Variants in TBC1D4 observed in about 807,000 individuals in gnomAD.
TBC1D4 encodes the protein TBC (Tre-2, BUB2, CDC16) domain-containing protein.
A neutral mutation model predicts 142.5 loss-of-function variants in TBC1D4; 121 were observed. The ratio of observed to expected loss-of-function variants is 0.85; its 90% CI spans 0.73 to 0.99. The LOEUF (loss-of-function observed/expected upper bound fraction) is 0.99. Among genes scored for constraint, TBC1D4 ranks in the 50% least tolerant of loss-of-function variants. The pLI, the probability that TBC1D4 is intolerant of heterozygous loss-of-function variation, is 0.00. For synonymous variants in TBC1D4, 630 were observed against 628.2 expected, an observed-to-expected ratio of 1.00 and a Z score of -0.04; for missense variants, 1,475 against 1,606.6, an observed-to-expected ratio of 0.92 and a Z score of 1.40.
intron 1 of TBC1D4, among the ~76,000 whole-genome samples, chr13:75,396,365 T>G (rs1162835403): frequency 2.6e-5 from 4 of 152,228 alleles, no homozygotes; most frequent in African/African-American, 9.6e-5. Context: ...GCCTAAAATA[T>G]TCCAGATCTT....
chr13:75,481,675 T>C lies in TBC1D4; in HGVS notation c.93A>G (p.Pro31=), dbSNP rs1381927822. ...ACCACAGCCGGAACCGCTTATCGCT[T>C]GGCTTCCCGGGGCCGGGCTGAGCTG... is the stretch of plus-strand genomic sequence containing the variant. ...GVSAQPGPGK[P]SDKRFRLWYV... The change falls in exon 1 of 21, where the codon CCA becomes CCG. Residue 31 remains proline, a synonymous_variant. Coordinates refer to ENST00000377636, the MANE Select transcript of TBC1D4 (RefSeq NM_014832.5). 1.2e-6 allele frequency: 2 copies of C among 1,600,888 alleles called. No individual in the cohort carries two copies. Among genetic ancestry groups the C allele is most frequent in the Non-Finnish European group, 1.7e-6 (2 of 1,174,460 alleles).
At position 75,285,646 on chromosome 13, in the gene TBC1D4, T is replaced by C. The variant is rs773042969; in HGVS notation, c.*1146A>G. ...ACTTTCTTTTTTCCCTTCCAATGGA[T>C]TTCAACAGTTTGTTCCTAAACATTT... On this transcript the variant is annotated 3_prime_UTR_variant, in exon 21 of 21. Coordinates refer to ENST00000377636, the MANE Select transcript of TBC1D4 (RefSeq NM_014832.5). The C allele has an allele frequency of 1.3e-5, 2 of 152,680 alleles. No homozygotes were observed. Among genetic ancestry groups the C allele is most frequent in the Non-Finnish European group, 2.9e-5 (2 of 68,040 alleles). 9.5% of individuals were successfully genotyped at this position (152,680 alleles called of 1,614,324 possible).
chr13:75,460,805 C>T (rs942480009), intron 1 of TBC1D4, among the ~76,000 whole-genome samples: 4 of 152,162 alleles, frequency 2.6e-5, no homozygotes, highest in Non-Finnish European at 1.5e-5. Context: ...TGTCCATAGT[C>T]CCAGCTACTA....
At chr13:75,324,464 A>C in intron 10 of TBC1D4, 63 bp from the exon 11 acceptor site, 1 of 1,573,338 alleles carries the variant, frequency 6.4e-7, no homozygotes, top group African/African-American at 1.4e-5. Context: ...TTCATTCACT[A>C]TGAAAAAGCA....
intron 14 of TBC1D4, 27 bp from the exon 15 acceptor site, chr13:75,306,498 A>C: frequency 6.2e-7 from 1 of 1,611,446 alleles, no homozygotes; most frequent in African/African-American, 1.3e-5. Context: ...TTTACGTAAG[A>C]CCAATGTGTT....
At chr13:75,464,472 T>A (rs2138296489) in intron 1 of TBC1D4, among the ~76,000 whole-genome samples, 1 of 152,326 alleles carries the variant, frequency 6.6e-6, no homozygotes, top group East Asian at 1.9e-4. Context: ...TGTTTCCTGT[T>A]TTAGTTAATC....
chr13:75,324,999 G>C (rs1010063264), intron 10 of TBC1D4, among the ~76,000 whole-genome samples: 1 of 152,154 alleles, frequency 6.6e-6, no homozygotes, highest in African/African-American at 2.4e-5. Flanking sequence ...ATGACACAGA[G>C]AGCATCTTTT....
At chr13:75,463,637 G>A (rs1888058372) in intron 1 of TBC1D4, among the ~76,000 whole-genome samples, 1 of 152,128 alleles carries the variant, frequency 6.6e-6, no homozygotes, top group Non-Finnish European at 1.5e-5. Context: ...CTCAGTATTG[G>A]TGAAAATGAT....
chr13:75,339,587 C>A (rs918881472), intron 7 of TBC1D4, among the ~76,000 whole-genome samples: 8 of 147,910 alleles, frequency 5.4e-5, no homozygotes, highest in African/African-American at 2.0e-4. Context: ...GCTCAATGTT[C>A]TTTTTTTTTT....
chr13:75,413,983 A>G (rs1418369767), intron 1 of TBC1D4, among the ~76,000 whole-genome samples: 1 of 152,198 alleles, frequency 6.6e-6, no homozygotes, highest in African/African-American at 2.4e-5. Flanking sequence ...GTGGAAAAAA[A>G]CAATTGTCTC....
At chr13:75,443,112 G>A (rs1418336117) in intron 1 of TBC1D4, among the ~76,000 whole-genome samples, 3 of 152,198 alleles carry the variant, frequency 2.0e-5, no homozygotes, top group Non-Finnish European at 4.4e-5. Context: ...TCAGTTTAGA[G>A]GCCCCCAGCT....
chr13:75,362,737 G>A lies in TBC1D4; in HGVS notation c.499-130C>T, dbSNP rs557878039. 6 of 915,678 alleles carry A rather than the reference G, an allele frequency of 6.6e-6. No individual in the cohort carries two copies. The highest frequency in any genetic ancestry group is 3.3e-5 in the African/African-American group (2 of 60,032). The allele number at this position is 915,678 out of a possible 1,614,324, so 56.7% of individuals were successfully genotyped here. On this transcript the variant is annotated intron_variant, in intron 1 of 20. Transcript: ENST00000377636. This position sits in a 1 kb window ranked among gnomAD's most constrained non-coding sequence, Gnocchi z 4.2. ...ATATACAAAGTAATAGACACTACACGAGACAGAGCATACACTTACATTATT... is the reference window on the plus strand; with the variant it reads ...ATATACAAAGTAATAGACACTACACAAGACAGAGCATACACTTACATTATT...
chr13:75,361,412 G>A (rs1882491175), intron 2 of TBC1D4, among the ~76,000 whole-genome samples: 2 of 151,968 alleles, frequency 1.3e-5, no homozygotes, highest in African/African-American at 2.4e-5. Flanking sequence ...ATGGAGTCTC[G>A]CTCTGTCGCC....
At chr13:75,335,238 C>T (rs1371452554) in intron 8 of TBC1D4, among the ~76,000 whole-genome samples, 1 of 152,166 alleles carries the variant, frequency 6.6e-6, no homozygotes, top group African/African-American at 2.4e-5. Context: ...CCACACCCTG[C>T]ATCGGGCCAT....
At chr13:75,326,145 A>G (rs1207641967) in intron 10 of TBC1D4, 52 bp downstream of exon 10, 1 of 1,598,754 alleles carries the variant, frequency 6.3e-7, no homozygotes, top group East Asian at 2.2e-5. Flanking sequence ...AGAGTAATCA[A>G]AACTGTGTGC....
At chr13:75,345,862 T>C (rs1881108859) in intron 5 of TBC1D4, among the ~76,000 whole-genome samples, 1 of 152,238 alleles carries the variant, frequency 6.6e-6, no homozygotes, top group African/African-American at 2.4e-5. Flanking sequence ...AGAGCCAGCT[T>C]CTGACAAAGA....
At chr13:75,445,635 C>G (rs1483204627) in intron 1 of TBC1D4, among the ~76,000 whole-genome samples, 3 of 152,088 alleles carry the variant, frequency 2.0e-5, no homozygotes, top group African/African-American at 7.2e-5. Context: ...AATTTGTTAT[C>G]TGTTACTGGT....
intron 1 of TBC1D4, among the ~76,000 whole-genome samples, chr13:75,400,368 C>T (rs1885023239): frequency 6.6e-6 from 1 of 152,158 alleles, no homozygotes; most frequent in Non-Finnish European, 1.5e-5. Context: ...CCCATTCACC[C>T]ATTTACCACC....
chr13:75,298,664 A>C (rs961742033), intron 17 of TBC1D4, among the ~76,000 whole-genome samples: 1 of 152,210 alleles, frequency 6.6e-6, no homozygotes, highest in Non-Finnish European at 1.5e-5. Context: ...GAGGCAGCAG[A>C]ATGGCTTGAA....
Sources: gnomAD v4.1 joint callset for allele counts (sites outside exome capture counted in the v4.1 genomes callset) on GRCh38, gnomAD v4.1.1 for gene constraint, Gnocchi (gnomAD v3.1) non-coding constraint, MANE v1.5 for transcripts, NCBI Gene and HGNC (gene_info 2026-07-23, HGNC 2026-07-21) for gene names.